HMBOX1: variants seen among roughly 807,000 people sequenced by gnomAD.
HMBOX1 encodes homeobox containing 1.
In HMBOX1, 14 loss-of-function variants were observed where a neutral mutation model predicts 54.5. The ratio of observed to expected loss-of-function variants is 0.26; its 90% CI spans 0.17 to 0.40. The LOEUF is 0.40. Among genes scored for constraint, HMBOX1 ranks in the 10% least tolerant of loss-of-function variants. The probability of loss-of-function intolerance (pLI) is 1.00; values close to 1 mark genes in which losing one functional copy is unlikely to be tolerated. For synonymous variants in HMBOX1, 160 were observed against 181.0 expected (o/e 0.88, Z 0.93); for missense variants, 332 against 514.4 (o/e 0.65, Z 3.43).
At position 28,978,303 on chromosome 8, in the gene HMBOX1, C is replaced by A. The variant is rs1828770547; in HGVS notation, c.501-1768C>A. Among the ~76,000 whole-genome samples, 3 of 152,198 alleles carry A rather than the reference C, an allele frequency of 2.0e-5. 1 individual carries two copies. Among genetic ancestry groups the A allele is most frequent in the Admixed American group, 6.5e-5 (1 of 15,292 alleles). On this transcript the variant is annotated intron_variant, in intron 3 of 9. Coordinates refer to ENST00000287701, the MANE Select transcript of HMBOX1 (RefSeq NM_001135726.3). Reference sequence around the variant, plus strand: ...CTCATTGTTTTTGAATAGGATACTTCAGTTTCTCCAAATAGTCTACAGAGA... The same window carrying A: ...CTCATTGTTTTTGAATAGGATACTTAAGTTTCTCCAAATAGTCTACAGAGA...
Position 29,032,697 on chromosome 8 carries a change from G to A in HMBOX1, c.852-12664G>A, listed in dbSNP as rs79519377. 2.8e-4 allele frequency among the ~76,000 whole-genome samples: 42 copies of A among 152,148 alleles called. No individual in the cohort carries two copies. The East Asian group carries it at 7.1e-3, about 26-fold the overall frequency. On this transcript the variant is annotated intron_variant, in intron 6 of 9. Transcript: ENST00000287701. ...TTTGGGCTAGGGTTTGGTTATACTC[G>A]GCTGGTCTATAGGCTGGCATAGTGC...
chr8:29,013,718 A>G (rs1834546098), intron 5 of HMBOX1, among the ~76,000 whole-genome samples: 1 of 152,234 alleles, frequency 6.6e-6, no homozygotes. Flanking sequence ...TTATAAGAAA[A>G]TACCTATTTT....
At chr8:28,951,915 C>T (rs1397506456) in intron 1 of HMBOX1, among the ~76,000 whole-genome samples, 1 of 152,078 alleles carries the variant, frequency 6.6e-6, no homozygotes, top group East Asian at 1.9e-4. Context: ...CACCTGTAAT[C>T]CCAGCACTTT....
intron 5 of HMBOX1, among the ~76,000 whole-genome samples, chr8:29,012,620 T>C (rs1834362424): frequency 6.6e-6 from 1 of 152,200 alleles, no homozygotes; most frequent in Middle Eastern, 3.2e-3. Flanking sequence ...AGAATAGCTC[T>C]GTGGAGGGGA....
chr8:29,042,722 T>G (rs928237793), intron 6 of HMBOX1: 2 of 455,886 alleles, frequency 4.4e-6, no homozygotes, highest in East Asian at 6.9e-5. Context: ...TGGACAGGTA[T>G]GGTGGAAGGA....
At chr8:28,980,350 T>C (rs1278645292) in intron 4 of HMBOX1, among the ~76,000 whole-genome samples, 194 bp downstream of exon 4, 1 of 152,218 alleles carries the variant, frequency 6.6e-6, no homozygotes, top group African/African-American at 2.4e-5. Context: ...TGACTTGTGC[T>C]AGTAAATTTT....
In HMBOX1 at chr8:28,970,336, A is replaced by G; in HGVS notation, c.317A>G (p.Asp106Gly). The change falls in exon 3 of 10, where the codon GAT (aspartate) becomes GGT (glycine). Residue 106 changes from aspartate (D) to glycine (G), a missense_variant. Physicochemically the swap from Asp to Gly is moderately conservative, Grantham distance 94 (BLOSUM62 -1). Transcript: ENST00000287701. This position sits in a 1 kb window ranked among gnomAD's most constrained non-coding sequence, Gnocchi z 4.3. Reference protein sequence around the residue: ...GMSPSPSNSYDTSPQPCTTNQ... With the variant: ...GMSPSPSNSYGTSPQPCTTNQ... ...TCCCCGTCACCTAGCAACAGTTATG[A>G]TACTTCCCCACAGCCTTGCACTACC... is the stretch of plus-strand genomic sequence containing the variant. The G allele has an allele frequency of 6.2e-7, 1 of 1,614,168 alleles. No homozygotes were observed. The highest frequency in any genetic ancestry group is 1.1e-5 in the South Asian group (1 of 91,082).
intron 6 of HMBOX1, among the ~76,000 whole-genome samples, chr8:29,025,162 G>C (rs1032666670): frequency 1.3e-5 from 2 of 151,964 alleles, no homozygotes; most frequent in African/African-American, 2.4e-5. Flanking sequence ...AAAAGTGATA[G>C]ATATCAGAAA....
intron 5 of HMBOX1, 166 bp downstream of exon 5, chr8:29,009,348 A>G: frequency 1.5e-6 from 1 of 682,708 alleles, no homozygotes; most frequent in Non-Finnish European, 1.8e-6. Flanking sequence ...CCCTGACTGT[A>G]ATAAATTTTA....
chr8:29,005,988 C>CTTTT (rs1833393984), intron 4 of HMBOX1, among the ~76,000 whole-genome samples: 1 of 137,154 alleles, frequency 7.3e-6, no homozygotes, highest in South Asian at 2.5e-4. Flanking sequence ...TTGATGCATT[C>CTTTT]TATTTTTTTT....
chr8:28,897,603 G>A (rs1324605532), intron 1 of HMBOX1, among the ~76,000 whole-genome samples: 1 of 152,188 alleles, frequency 6.6e-6, no homozygotes, highest in Non-Finnish European at 1.5e-5. Context: ...TTGAACCTGG[G>A]AGGCGGAGGT....
chr8:29,005,911 A>G lies in HMBOX1; in HGVS notation c.587-3161A>G, dbSNP rs10109464. 2.3e-3 allele frequency among the ~76,000 whole-genome samples: 345 copies of G among 151,846 alleles called. 2 individuals are homozygous for G. Among genetic ancestry groups the G allele is most frequent in the African/African-American group, 7.9e-3 (329 of 41,408 alleles). On this transcript the variant is annotated intron_variant, in intron 4 of 9. Coordinates refer to ENST00000287701, the MANE Select transcript of HMBOX1 (RefSeq NM_001135726.3). Reference sequence around the variant, plus strand: ...TTGTGATGTTTATCCATGTGGTTTCATATAGTGGTAGTTTATCTTTTTCTA... The same window carrying G: ...TTGTGATGTTTATCCATGTGGTTTCGTATAGTGGTAGTTTATCTTTTTCTA...
At chr8:28,899,852 G>T (rs1812868302) in intron 1 of HMBOX1, among the ~76,000 whole-genome samples, 2 of 152,178 alleles carry the variant, frequency 1.3e-5, no homozygotes, top group Non-Finnish European at 2.9e-5. Flanking sequence ...AGCCACAGGA[G>T]ATAAATAGTT....
rs111302309 is a variant in HMBOX1 at position 29,029,943 on chromosome 8, C to CT, written c.851+11039dup. On this transcript the variant is annotated intron_variant, in intron 6 of 9. Coordinates refer to ENST00000287701, the MANE Select transcript of HMBOX1 (RefSeq NM_001135726.3). ...CCCTTATTATTATTACTATTATTAT[C>CT]TTTTTTTTTGCTTTTGTTCCTAAAC... Among the ~76,000 whole-genome samples, 437 of 150,554 alleles carry CT rather than the reference C, an allele frequency of 2.9e-3. 3 individuals are homozygous for CT. The highest frequency in any genetic ancestry group is 9.7e-3 in the African/African-American group (401 of 41,132).
chr8:28,968,930 T>C (rs1826913978), intron 2 of HMBOX1, among the ~76,000 whole-genome samples: 1 of 152,116 alleles, frequency 6.6e-6, no homozygotes, highest in Non-Finnish European at 1.5e-5. Context: ...TCCCAGCACT[T>C]TGGGAGGCCG....
chr8:29,015,426 TG>T (rs765302668), intron 5 of HMBOX1, among the ~76,000 whole-genome samples: 1 of 152,204 alleles, frequency 6.6e-6, no homozygotes, highest in East Asian at 1.9e-4. Flanking sequence ...ACCTTTATCT[TG>T]ATCAGCCATG....
At chr8:28,981,931 T>G (rs1355429541) in intron 4 of HMBOX1, among the ~76,000 whole-genome samples, 1 of 152,140 alleles carries the variant, frequency 6.6e-6, no homozygotes, top group Non-Finnish European at 1.5e-5. Flanking sequence ...GGGAGCTTGC[T>G]AGAATCGTAA....
At chr8:28,920,728 A>C (rs1817407971) in intron 1 of HMBOX1, among the ~76,000 whole-genome samples, 1 of 152,198 alleles carries the variant, frequency 6.6e-6, no homozygotes, top group South Asian at 2.1e-4. Context: ...GTAGAAGGAA[A>C]GTGCTTAATC....
At chr8:28,938,670 AC>A (rs972181554) in intron 1 of HMBOX1, among the ~76,000 whole-genome samples, 2 of 150,688 alleles carry the variant, frequency 1.3e-5, no homozygotes, top group Non-Finnish European at 3.0e-5. Context: ...CTGGTCTTGA[AC>A]TCCTGGCCTC....
Sources: allele counts gnomAD v4.1 joint callset (sites outside exome capture counted in the v4.1 genomes callset), GRCh38; gene constraint gnomAD v4.1.1; non-coding constraint Gnocchi (gnomAD v3.1); transcripts MANE v1.5; gene names NCBI Gene and HGNC (gene_info 2026-07-23, HGNC 2026-07-21).